ARPIN: variants seen among roughly 807,000 people sequenced by gnomAD.
The protein encoded by ARPIN is actin related protein 2/3 complex inhibitor.
ARPIN carries 23 observed loss-of-function variants against 25.9 expected under a neutral mutation model. The observed-to-expected ratio is 0.89, with a 90% CI of 0.64 to 1.26. The LOEUF is 1.26. Among genes scored for constraint, ARPIN ranks in the 50% most tolerant of loss-of-function variants. ARPIN has a pLI of 0.00. For missense variants in ARPIN, 333 were observed against 312.2 expected (o/e 1.07, Z -0.50); for synonymous variants, 126 against 131.4 (o/e 0.96, Z 0.28).
chr15:89,912,546 C>G lies in ARPIN; in HGVS notation c.92+198G>C, dbSNP rs991406513. The G allele has an allele frequency of 6.8e-6, 9 of 1,331,496 alleles. No homozygotes were observed. In the African/African-American group the frequency reaches 9.3e-5, roughly 14 times the overall value. 82.5% of individuals were successfully genotyped at this position (1,331,496 alleles called of 1,614,324 possible). On this transcript the variant is annotated intron_variant, in intron 1 of 5. Coordinates refer to ENST00000357484, the MANE Select transcript of ARPIN (RefSeq NM_182616.4). Reference sequence around the variant, plus strand: ...GACAGGCGGGGAGCTTTAAGCCGATCTGTGTCATGGGGTCGCTGGGCGGGC... The same window carrying G: ...GACAGGCGGGGAGCTTTAAGCCGATGTGTGTCATGGGGTCGCTGGGCGGGC...
At chr15:89,911,400 C>G (rs1897221105) in intron 1 of ARPIN, among the ~76,000 whole-genome samples, 1 of 152,112 alleles carries the variant, frequency 6.6e-6, no homozygotes, top group South Asian at 2.1e-4. Flanking sequence ...ATCACACGGT[C>G]CTTCACTGAG....
intron 2 of ARPIN, 98 bp downstream of exon 2, chr15:89,910,646 A>G: frequency 2.0e-6 from 3 of 1,488,116 alleles, no homozygotes; most frequent in East Asian, 2.3e-5. Context: ...AAGAATCCCA[A>G]CTCATGGCAC....
intron 3 of ARPIN, among the ~76,000 whole-genome samples, chr15:89,906,812 T>C (rs1465047476): frequency 2.6e-5 from 4 of 152,032 alleles, no homozygotes; most frequent in African/African-American, 9.7e-5. Flanking sequence ...GGGCTTGCTA[T>C]GGTTGGAATG....
chr15:89,908,282 T>C lies in ARPIN; in HGVS notation c.299A>G (p.Tyr100Cys). ...KVNTGFLMSSYKVEAKGDTDR... is the reference protein window; with the variant it reads ...KVNTGFLMSSCKVEAKGDTDR... ...GAGGGAGGGCAGAGGATACCTACTGTAGGACGACATGAGGAAGCCCGTGTT... is the reference window on the plus strand; with the variant it reads ...GAGGGAGGGCAGAGGATACCTACTGCAGGACGACATGAGGAAGCCCGTGTT... Residue 100 changes from tyrosine (Y) to cysteine (C), a missense_variant and splice_region_variant, in exon 3 of 6, where the codon TAC becomes TGC. Tyr to Cys is a radical substitution (Grantham distance 194). Transcript: ENST00000357484. 6 of 1,614,052 alleles carry C rather than the reference T, an allele frequency of 3.7e-6. No individual in the cohort carries two copies. Among genetic ancestry groups the C allele is most frequent in the East Asian group, 2.2e-5 (1 of 44,878 alleles).
chr15:89,912,818 G>T lies in ARPIN; in HGVS notation c.18C>A (p.His6Gln), dbSNP rs1437427965. Reference protein sequence around the residue: MSRIYHDGALRNKAVQ... With the variant: MSRIYQDGALRNKAVQ... The stretch of plus-strand genomic sequence containing the variant: ...CCGCCTTGTTCCGGAGCGCGCCGTC[G>T]TGGTAGATGCGGCTCATTCTCCCGA... The change falls in exon 1 of 6, where the codon CAC (histidine) becomes CAA (glutamine). Residue 6 changes from histidine (H) to glutamine (Q), a missense_variant. Transcript: ENST00000357484. 1.3e-6 allele frequency: 2 copies of T among 1,524,714 alleles called. No homozygotes were observed. The highest frequency in any genetic ancestry group is 1.8e-6 in the Non-Finnish European group (2 of 1,140,018). 94.4% of individuals were successfully genotyped at this position (1,524,714 alleles called of 1,614,324 possible).
intron 1 of ARPIN, 85 bp downstream of exon 1, chr15:89,912,659 C>CCCCTGGGGGG: frequency 3.4e-6 from 4 of 1,161,508 alleles, no homozygotes; most frequent in East Asian, 5.8e-5. Flanking sequence ...TTCCCCCACC[C>CCCCTGGGGGG]GCATCCCACC....
rs1488228098 is a variant in ARPIN, at chr15:89,908,162, G to A, written c.301+118C>T. The A allele has an allele frequency of 2.0e-6, 3 of 1,501,218 alleles. No homozygotes were observed. In the East Asian group the frequency reaches 7.0e-5, roughly 35 times the overall value. The allele number at this position is 1,501,218 out of a possible 1,614,324, so 93.0% of individuals were successfully genotyped here. A position where few individuals can be genotyped will look rare whatever the true frequency, so the allele number is the denominator to read the frequency against. On this transcript the variant is annotated intron_variant, in intron 3 of 5. Transcript: ENST00000357484. ...TGTGGAAGCCTCAGGCCACATACAG[G>A]GCTTCAACATCAAGAGGGCTGAAGA...
rs1165118232 is a variant in ARPIN, at chr15:89,899,827, C to T, written c.*1968G>A. 6.6e-6 allele frequency: 1 copy of T among 152,368 alleles called. No individual in the cohort carries two copies. Among genetic ancestry groups the T allele is most frequent in the Non-Finnish European group, 1.5e-5 (1 of 68,096 alleles). The allele number at this position is 152,368 out of a possible 1,614,324, so 9.4% of individuals were successfully genotyped here. A position where few individuals can be genotyped will look rare whatever the true frequency, so the allele number is the denominator to read the frequency against. On this transcript the variant is annotated 3_prime_UTR_variant, in exon 6 of 6. Coordinates refer to ENST00000357484, the MANE Select transcript of ARPIN (RefSeq NM_182616.4). ...ATGTTAAGGATAAAGTCCCCAATTC[C>T]TTAACATGCGTGAGGATGCCATGCC...
intron 1 of ARPIN, 82 bp downstream of exon 1, chr15:89,912,662 A>AGGG: frequency 1.5e-6 from 1 of 661,660 alleles, no homozygotes; most frequent in East Asian, 1.3e-4. Context: ...CCCCACCCGC[A>AGGG]TCCCACCCCC....
intron 1 of ARPIN, 81 bp downstream of exon 1, chr15:89,912,663 T>TGGGGGGCCCCCC: frequency 1.1e-6 from 1 of 871,108 alleles, no homozygotes; most frequent in Non-Finnish European, 1.4e-6. Flanking sequence ...CCCACCCGCA[T>TGGGGGGCCCCCC]CCCACCCCCC....
At position 89,908,367 on chromosome 15, in the gene ARPIN, G is replaced by A. The variant is rs376451415; in HGVS notation, c.214C>T (p.Arg72Cys). Residue 72 changes from arginine to cysteine, a missense_variant, in exon 3 of 6, where the codon CGT becomes TGT. By Grantham distance (180) the Arg-to-Cys change is radical. Coordinates refer to ENST00000357484, the MANE Select transcript of ARPIN (RefSeq NM_182616.4). ...LYIRPSHIHR[R>C]KFDAKGNEIE... ...TCATTTCCCTTGGCGTCGAATTTAC[G>A]GCGATGGATGTGACTGGGCCGGATA... 1.2e-4 allele frequency: 201 copies of A among 1,614,142 alleles called. 1 individual carries two copies. The highest frequency in any genetic ancestry group is 1.1e-3 in the South Asian group (103 of 91,074).
At chr15:89,912,420 TTA>T (rs1341886820) in intron 1 of ARPIN, 1 of 1,152,394 alleles carries the variant, frequency 8.7e-7, no homozygotes, top group East Asian at 4.9e-5. Context: ...TAGCTGGAGT[TTA>T]TAGTTACGCG....
chr15:89,907,919 G>T (rs767848803), intron 3 of ARPIN, among the ~76,000 whole-genome samples: 1 of 152,250 alleles, frequency 6.6e-6, no homozygotes, highest in African/African-American at 2.4e-5. Flanking sequence ...CACGGACTGA[G>T]ACCCCAGAAC....
In ARPIN at chr15:89,896,348, T is replaced by C. The variant is rs1485503044; in HGVS notation, c.*5447A>G. 1.3e-5 allele frequency: 2 copies of C among 152,190 alleles called. No individual in the cohort carries two copies. Among genetic ancestry groups the C allele is most frequent in the Non-Finnish European group, 1.5e-5 (1 of 68,048 alleles). The allele number at this position is 152,190 out of a possible 1,614,324, so 9.4% of individuals were successfully genotyped here. A position where few individuals can be genotyped will look rare whatever the true frequency, so the allele number is the denominator to read the frequency against. ...TGAAAACCTACTTTGATGGTTCAAATTGTAATTATAGGAAGAATAACTGAA... is the reference window on the plus strand; with the variant it reads ...TGAAAACCTACTTTGATGGTTCAAACTGTAATTATAGGAAGAATAACTGAA... On this transcript the variant is annotated 3_prime_UTR_variant, in exon 6 of 6. Transcript: ENST00000357484.
chr15:89,900,316 A>C lies in ARPIN; in HGVS notation c.*1479T>G, dbSNP rs1896997349. On this transcript the variant is annotated 3_prime_UTR_variant, in exon 6 of 6. Transcript: ENST00000357484. ...TTTGCTTTTGACAGCTCTGGGTTTGAATCCTGATTCTGCTACTCATTAGCT... is the reference window on the plus strand; with the variant it reads ...TTTGCTTTTGACAGCTCTGGGTTTGCATCCTGATTCTGCTACTCATTAGCT... 1 of 152,258 alleles carries C rather than the reference A, an allele frequency of 6.6e-6. No homozygotes were observed. The highest frequency in any genetic ancestry group is 1.5e-5 in the Non-Finnish European group (1 of 68,088). 9.4% of individuals were successfully genotyped at this position (152,258 alleles called of 1,614,324 possible).
intron 1 of ARPIN, chr15:89,912,122 G>C (rs1395565031): frequency 2.2e-6 from 2 of 893,420 alleles, no homozygotes; most frequent in African/African-American, 1.8e-5. Flanking sequence ...CGCCTGGTCT[G>C]TTCTGCCGTT....
In ARPIN at chr15:89,900,368, C is replaced by G. The variant is rs1035424165; in HGVS notation, c.*1427G>C. 1.3e-5 allele frequency: 2 copies of G among 152,226 alleles called. No individual in the cohort carries two copies. The highest frequency in any genetic ancestry group is 2.9e-5 in the Non-Finnish European group (2 of 68,062). The allele number at this position is 152,226 out of a possible 1,614,324, so 9.4% of individuals were successfully genotyped here. A position where few individuals can be genotyped will look rare whatever the true frequency, so the allele number is the denominator to read the frequency against. On this transcript the variant is annotated 3_prime_UTR_variant, in exon 6 of 6. Transcript: ENST00000357484. ...TGTGACTCTGGGCAGGTTGCTTAAC[C>G]TGTCTGAGACCCTTTTCCTGCTCTG...
At chr15:89,903,400 G>C in intron 4 of ARPIN, 21 bp from the exon 5 acceptor site, 1 of 1,614,040 alleles carries the variant, frequency 6.2e-7, no homozygotes, top group Non-Finnish European at 8.5e-7. Flanking sequence ...AGATGAAATT[G>C]AATGTCCTCT....
intron 3 of ARPIN, among the ~76,000 whole-genome samples, chr15:89,907,372 A>AT (rs1383539915): frequency 2.0e-5 from 3 of 152,150 alleles, no homozygotes; most frequent in East Asian, 3.9e-4. Context: ...TCACCCTAAA[A>AT]TTTTTTTAAA....
Sources: allele counts gnomAD v4.1 joint callset (sites outside exome capture counted in the v4.1 genomes callset), GRCh38; gene constraint gnomAD v4.1.1; transcripts MANE v1.5; gene names NCBI Gene and HGNC (gene_info 2026-07-23, HGNC 2026-07-21).